The following ANOS1 variants were observed in gnomAD, a reference collection of about 807,000 sequenced individuals.
ANOS1 encodes anosmin 1.
ANOS1 carries 6 observed loss-of-function variants against 59.0 expected under a neutral mutation model. The observed-to-expected ratio is 0.10, with a 90% CI of 0.06 to 0.20. The LOEUF is 0.20. Ranked by LOEUF, ANOS1 falls within the 10% of genes least tolerant of loss-of-function variation. ANOS1 has a pLI of 1.00. For missense variants in ANOS1, 433 were observed against 542.3 expected, an observed-to-expected ratio of 0.80 and a Z score of 2.00; for synonymous variants, 217 against 223.4, an observed-to-expected ratio of 0.97 and a Z score of 0.25.
chrX:8,536,945 A>G lies in ANOS1; in HGVS notation c.1450-3T>C. 8.4e-7 allele frequency: 1 copy of G among 1,193,766 alleles called. No homozygotes were observed. Among genetic ancestry groups the G allele is most frequent in the African/African-American group, 1.7e-5 (1 of 57,496 alleles). On this transcript the variant is annotated splice_region_variant and splice_polypyrimidine_tract_variant and intron_variant, in intron 10 of 13. Transcript: ENST00000262648. ...TCTTGAAGAATTATGTAATTTTCCT[A>G]GAGCAAGAGAAAGAGAATTATGCTA...
At chrX:8,610,448 T>C (rs1228024416) in intron 3 of ANOS1, among the ~76,000 whole-genome samples, 1 of 111,810 alleles carries the variant, frequency 8.9e-6, no homozygotes, top group African/African-American at 3.3e-5. Context: ...AAGTTGTGGA[T>C]AAAGAGATTA....
At chrX:8,554,187 G>A in intron 8 of ANOS1, 89 bp from the exon 9 acceptor site, 1 of 693,215 alleles carries the variant, frequency 1.4e-6, no homozygotes, top group Non-Finnish European at 2.3e-6. Flanking sequence ...GCTCCATTAT[G>A]CAGCTTCCAG....
At chrX:8,653,141 C>T (rs768768211) in intron 2 of ANOS1, among the ~76,000 whole-genome samples, 6 of 111,776 alleles carry the variant, frequency 5.4e-5, no homozygotes, top group African/African-American at 1.9e-4. Flanking sequence ...TAGGCATGAG[C>T]CACTGTGCCC....
chrX:8,585,322 A>G lies in ANOS1; in HGVS notation c.801T>C (p.Asn267=). The G allele has an allele frequency of 8.3e-7, 1 of 1,210,376 alleles. No individual in the cohort carries two copies. The highest frequency in any genetic ancestry group is 1.1e-6 in the Non-Finnish European group (1 of 894,103). ...CAGTGAAGCCTCGAGTTCCATGCAC[A>G]TTCACAGCAGCCACTCGAAACTGGT... ...RWYQFRVAAV[N]VHGTRGFTAP... Residue 267 remains asparagine (N), a synonymous_variant, in exon 6 of 14, where the codon AAT becomes AAC. Transcript: ENST00000262648.
chrX:8,677,805 A>G (rs972004509), intron 2 of ANOS1, among the ~76,000 whole-genome samples: 5 of 111,684 alleles, frequency 4.5e-5, no homozygotes, highest in African/African-American at 1.6e-4. Flanking sequence ...GAGCAGTAAG[A>G]GAGCTCATAA....
At chrX:8,550,185 T>C (rs1402586250) in intron 9 of ANOS1, among the ~76,000 whole-genome samples, 1 of 111,796 alleles carries the variant, frequency 8.9e-6, no homozygotes, top group East Asian at 2.8e-4. Context: ...ATATAAAATA[T>C]ATTTATAATA....
In ANOS1 at chrX:8,689,681, C is replaced by T. The variant is rs1482536672; in HGVS notation, c.255+10017G>A. Among the ~76,000 whole-genome samples, 4 of 109,029 alleles carry T rather than the reference C, an allele frequency of 3.7e-5. No homozygotes were observed. The Admixed American group carries it at 4.0e-4, about 11-fold the overall frequency. The allele number at this position is 109,029 out of a possible 115,157, so 94.7% of individuals were successfully genotyped here. On this transcript the variant is annotated intron_variant, in intron 2 of 13. Coordinates refer to ENST00000262648, the MANE Select transcript of ANOS1 (RefSeq NM_000216.4). ...CGAGATGGTGCCACTGCACTTCAGC[C>T]TGGGCAACAGAGCAAGACCCTGTTG...
intron 2 of ANOS1, among the ~76,000 whole-genome samples, chrX:8,624,223 C>T (rs1931352429): frequency 1.8e-5 from 2 of 109,688 alleles, no homozygotes; most frequent in Non-Finnish European, 3.8e-5. Flanking sequence ...ACCATGTTGG[C>T]CAGGCTGGTC....
At chrX:8,581,085 G>A (rs1463022423) in intron 6 of ANOS1, among the ~76,000 whole-genome samples, 5 of 109,415 alleles carry the variant, frequency 4.6e-5, no homozygotes, top group Admixed American at 3.8e-4. Flanking sequence ...TATCTCTCAC[G>A]TTGACAAATA....
rs147196652 is a variant in ANOS1 at position 8,597,499 on chromosome X, C to T, written c.319-243G>A. ...GCAACAGACAAACACCATGTATATG[C>T]GCCCACGTTCACAGATCATATATTC... is the stretch of plus-strand genomic sequence containing the variant. On this transcript the variant is annotated intron_variant, in intron 3 of 13. Transcript: ENST00000262648. Among the ~76,000 whole-genome samples, 731 of 110,316 alleles carry T rather than the reference C, an allele frequency of 6.6e-3. 3 individuals are homozygous for T. Among genetic ancestry groups the T allele is most frequent in the Non-Finnish European group, 0.011 (567 of 52,890 alleles).
chrX:8,556,899 G>A (rs1194110731), intron 8 of ANOS1, among the ~76,000 whole-genome samples: 1 of 111,711 alleles, frequency 9.0e-6, no homozygotes, highest in African/African-American at 3.3e-5. Flanking sequence ...AACAAAGCTG[G>A]AGGCATCATG....
At chrX:8,576,051 G>C (rs747147081) in intron 6 of ANOS1, among the ~76,000 whole-genome samples, 4 of 111,944 alleles carry the variant, frequency 3.6e-5, no homozygotes, top group Admixed American at 1.9e-4. Flanking sequence ...CAAGGCTACA[G>C]TGAGGTACGA....
chrX:8,659,142 G>C (rs533105448), intron 2 of ANOS1, among the ~76,000 whole-genome samples: 1 of 110,604 alleles, frequency 9.0e-6, no homozygotes, highest in Non-Finnish European at 1.9e-5. Context: ...CAGGAGAATC[G>C]CGTGAACCCG....
At chrX:8,696,919 A>G (rs772379367) in intron 2 of ANOS1, among the ~76,000 whole-genome samples, 1 of 112,563 alleles carries the variant, frequency 8.9e-6, no homozygotes, top group African/African-American at 3.2e-5. Context: ...TATATTCTCT[A>G]GGGTTGAGTG....
intron 2 of ANOS1, among the ~76,000 whole-genome samples, chrX:8,633,767 G>C (rs1601994348): frequency 8.9e-6 from 1 of 111,853 alleles, no homozygotes; most frequent in African/African-American, 3.2e-5. Flanking sequence ...GCCCATTATA[G>C]AGAACCTGAA....
chrX:8,701,228 G>A (rs1932754027), intron 1 of ANOS1, among the ~76,000 whole-genome samples: 1 of 110,536 alleles, frequency 9.0e-6, no homozygotes, highest in Non-Finnish European at 1.9e-5. Flanking sequence ...AGTTCAAGGT[G>A]GAGATGAAAC....
intron 2 of ANOS1, among the ~76,000 whole-genome samples, chrX:8,629,471 C>T (rs1249691773): frequency 9.0e-6 from 1 of 111,621 alleles, no homozygotes; most frequent in Non-Finnish European, 1.9e-5. Flanking sequence ...TAAAAGATAT[C>T]TGTACACTGA....
At chrX:8,607,186 G>A (rs780333528) in intron 3 of ANOS1, among the ~76,000 whole-genome samples, 1 of 112,442 alleles carries the variant, frequency 8.9e-6, no homozygotes, top group African/African-American at 3.2e-5. Flanking sequence ...TTTCAAAGAA[G>A]ACATCTAAAC....
intron 2 of ANOS1, among the ~76,000 whole-genome samples, chrX:8,659,560 TCCTTCCTCCCTGCTTGCTTGCTTG>T (rs1931995931): frequency 1.0e-5 from 1 of 97,758 alleles, no homozygotes; most frequent in African/African-American, 3.9e-5. Flanking sequence ...CTTCCTTCCT[TCCTTCCTCCCTGCTTGCTTGCTTG>T]CCTTCCTTCC....
Sources: allele counts gnomAD v4.1 joint callset (sites outside exome capture counted in the v4.1 genomes callset), GRCh38; gene constraint gnomAD v4.1.1; transcripts MANE v1.5; gene names NCBI Gene and HGNC (gene_info 2026-07-23, HGNC 2026-07-21).